Variants in HSD17B4 observed in about 807,000 individuals in gnomAD.
The protein encoded by HSD17B4 is hydroxysteroid 17-beta dehydrogenase 4.
A neutral mutation model predicts 101.0 loss-of-function variants in HSD17B4; 70 were observed. The ratio of observed to expected loss-of-function variants is 0.69; its 90% CI spans 0.57 to 0.85. HSD17B4 has a LOEUF of 0.85. Ranked by LOEUF, HSD17B4 falls within the 40% of genes least tolerant of loss-of-function variation. The pLI is 0.00. For missense variants in HSD17B4, 984 were observed against 892.4 expected, an observed-to-expected ratio of 1.10 and a Z score of -1.31; for synonymous variants, 347 against 297.1, an observed-to-expected ratio of 1.17 and a Z score of -1.73.
At chr5:119,500,406 A>C (rs566812277) in intron 13 of HSD17B4, among the ~76,000 whole-genome samples, 1 of 152,126 alleles carries the variant, frequency 6.6e-6, no homozygotes, top group Admixed American at 6.6e-5. Context: ...ATAATTATGT[A>C]TAGTGTATTT....
At chr5:119,493,669 A>C in intron 10 of HSD17B4, 149 bp from the exon 11 acceptor site, 2 of 715,794 alleles carry the variant, frequency 2.8e-6, no homozygotes, top group Non-Finnish European at 4.6e-6. Flanking sequence ...GGAAAAATTC[A>C]TTTTAAGGCT....
chr5:119,500,188 A>G (rs896351834), intron 13 of HSD17B4, among the ~76,000 whole-genome samples: 1 of 152,112 alleles, frequency 6.6e-6, no homozygotes, highest in East Asian at 1.9e-4. Flanking sequence ...GCATGAAAGC[A>G]GAGAAACCAC....
chr5:119,531,568 G>GTGT lies in HSD17B4; in HGVS notation c.1993+164_1993+165insTGT, dbSNP rs1554069007. ...ATAGGTTTGGGAATGTCCAAAGGGG[G>GTGT]GTGTGTGTGTGTGTGTGTGTGTGTG... On this transcript the variant is annotated intron_variant, in intron 22 of 23. Transcript: ENST00000510025. Among the ~76,000 whole-genome samples the GTGT allele has an allele frequency of 0.17, 20,205 of 116,378 alleles. 1,464 individuals carry two copies. Among genetic ancestry groups the GTGT allele is most frequent in the South Asian group, 0.23 (904 of 3,978 alleles). 76.3% of individuals were successfully genotyped at this position (116,378 alleles called of 152,430 possible).
intron 23 of HSD17B4, among the ~76,000 whole-genome samples, chr5:119,539,734 T>C (rs1754825805): frequency 6.6e-6 from 1 of 151,690 alleles, no homozygotes; most frequent in Non-Finnish European, 1.5e-5. Context: ...ATTTTCAAAG[T>C]GTAAGAAAAT....
At chr5:119,463,607 T>C (rs1285886175) in intron 2 of HSD17B4, among the ~76,000 whole-genome samples, 1 of 150,018 alleles carries the variant, frequency 6.7e-6, no homozygotes, top group African/African-American at 2.4e-5. Context: ...TTCCTCATGA[T>C]TAGTGATGTT....
intron 14 of HSD17B4, 87 bp from the exon 15 acceptor site, chr5:119,506,731 A>G (rs899549039): frequency 9.0e-5 from 67 of 744,284 alleles, no homozygotes; most frequent in Non-Finnish European, 1.5e-4. Context: ...CTGAGCTTAC[A>G]GTGGAAATGC....
At chr5:119,497,071 A>G (rs773993258) in intron 12 of HSD17B4, among the ~76,000 whole-genome samples, 3 of 152,204 alleles carry the variant, frequency 2.0e-5, no homozygotes, top group Non-Finnish European at 4.4e-5. Flanking sequence ...GGTTTTGCCT[A>G]GTAGCCGAGT....
At chr5:119,452,920 A>G (rs1238529956) in intron 1 of HSD17B4, 3 of 1,346,314 alleles carry the variant, frequency 2.2e-6, no homozygotes, top group Non-Finnish European at 3.1e-6. Flanking sequence ...ACTGGGTGAA[A>G]GTTCTCCCTG....
intron 1 of HSD17B4, chr5:119,452,913 G>A (rs1346943177): frequency 2.8e-6 from 4 of 1,418,644 alleles, no homozygotes; most frequent in East Asian, 5.0e-5. Flanking sequence ...TTGCAAAACT[G>A]GGTGAAAGTT....
intron 6 of HSD17B4, 40 bp downstream of exon 6, chr5:119,475,910 C>T (rs1042125415): frequency 2.1e-6 from 3 of 1,399,344 alleles, no homozygotes; most frequent in East Asian, 2.3e-5. Context: ...ACATACTTAT[C>T]CATTTAGCCT....
chr5:119,484,238 G>T (rs184284138), intron 8 of HSD17B4, among the ~76,000 whole-genome samples: 1 of 152,212 alleles, frequency 6.6e-6, no homozygotes, highest in East Asian at 1.9e-4. Context: ...GTTTATTCAA[G>T]AATCTAATTC....
At chr5:119,503,740 TCTG>T (rs1014731829) in intron 14 of HSD17B4, among the ~76,000 whole-genome samples, 1 of 145,516 alleles carries the variant, frequency 6.9e-6, no homozygotes, top group Non-Finnish European at 1.5e-5. Flanking sequence ...TTCTTTTCTG[TCTG>T]TTTTTTTTTT....
At position 119,521,394 on chromosome 5, in the gene HSD17B4, G is replaced by A. The variant is rs1221993409; in HGVS notation, c.1504-3822G>A. ...CAGGTCAGTCTTCCTTATATACCTG[G>A]TGGGCCTTTTTAATATGTATATTCA... On this transcript the variant is annotated intron_variant, in intron 17 of 23. Transcript: ENST00000510025. Among the ~76,000 whole-genome samples, 3 of 152,164 alleles carry A rather than the reference G, an allele frequency of 2.0e-5. No homozygotes were observed. In the East Asian group the frequency reaches 5.8e-4, roughly 29 times the overall value.
At chr5:119,525,338 A>G (rs1753486916) in intron 18 of HSD17B4, 53 bp downstream of exon 18, 1 of 1,096,928 alleles carries the variant, frequency 9.1e-7, no homozygotes, top group Non-Finnish European at 1.4e-6. Flanking sequence ...TCGATATTTA[A>G]TTAAATAATG....
intron 2 of HSD17B4, among the ~76,000 whole-genome samples, chr5:119,471,872 C>A (rs1561438009): frequency 1.3e-5 from 2 of 152,110 alleles, no homozygotes; most frequent in African/African-American, 4.8e-5. Context: ...ATGCTAAAAT[C>A]TGTGTATTAC....
At chr5:119,467,226 A>G (rs918024019) in intron 2 of HSD17B4, among the ~76,000 whole-genome samples, 4 of 152,196 alleles carry the variant, frequency 2.6e-5, no homozygotes, top group South Asian at 2.1e-4. Context: ...GCTGATGTGT[A>G]TCTGCAGCTG....
At chr5:119,523,157 G>A (rs1753264343) in intron 17 of HSD17B4, among the ~76,000 whole-genome samples, 1 of 151,818 alleles carries the variant, frequency 6.6e-6, no homozygotes, top group Non-Finnish European at 1.5e-5. Context: ...TCGAGGATAT[G>A]AGGACTTAAA....
intron 12 of HSD17B4, among the ~76,000 whole-genome samples, chr5:119,497,847 T>A (rs3797362): frequency 4.6e-5 from 7 of 152,198 alleles, no homozygotes; most frequent in African/African-American, 1.7e-4. Context: ...TTTCTGTATC[T>A]AACTGTATGA....
chr5:119,532,403 C>T (rs1451511524), intron 22 of HSD17B4, among the ~76,000 whole-genome samples: 1 of 151,872 alleles, frequency 6.6e-6, no homozygotes, highest in Non-Finnish European at 1.5e-5. Flanking sequence ...TAGCCTGATT[C>T]TGTATATGTT....
Sources: allele counts gnomAD v4.1 joint callset (sites outside exome capture counted in the v4.1 genomes callset), GRCh38; gene constraint gnomAD v4.1.1; transcripts MANE v1.5; gene names NCBI Gene and HGNC (gene_info 2026-07-23, HGNC 2026-07-21).